The following ZNF430 variants were observed in gnomAD, a reference collection of about 807,000 sequenced individuals.
ZNF430 encodes zinc finger protein 430.
Under a neutral mutation model 56.7 loss-of-function variants are expected in ZNF430, and 35 were observed. The ratio of observed to expected loss-of-function variants is 0.62; its 90% CI spans 0.47 to 0.82. The LOEUF (loss-of-function observed/expected upper bound fraction) is 0.82, where lower values mean the gene tolerates loss of function less well. ZNF430 is among the 40% of genes least tolerant of loss of function. ZNF430 has a pLI of 0.00. For missense variants in ZNF430, 574 were observed against 661.0 expected, an observed-to-expected ratio of 0.87 and a Z score of 1.44; for synonymous variants, 212 against 224.3, an observed-to-expected ratio of 0.94 and a Z score of 0.49.
At chr19:21,023,242 T>C (rs1006410597) in intron 2 of ZNF430, among the ~76,000 whole-genome samples, 8 of 151,968 alleles carry the variant, frequency 5.3e-5, no homozygotes, top group Non-Finnish European at 1.0e-4. Context: ...TGAGCAGGAG[T>C]GGGTGGAAGA....
rs1568595709 is a variant in ZNF430 at position 21,059,865 on chromosome 19, T to A, written c.*1844T>A. Reference sequence around the variant, plus strand: ...GGACATTAAAATGTAAGATGCATGATGAAAAATTAAGTGAAGAGGCTCTTT... The same window carrying A: ...GGACATTAAAATGTAAGATGCATGAAGAAAAATTAAGTGAAGAGGCTCTTT... On this transcript the variant is annotated 3_prime_UTR_variant, in exon 5 of 5. Transcript: ENST00000261560. 1 of 152,146 alleles carries A rather than the reference T, an allele frequency of 6.6e-6. No homozygotes were observed. Among genetic ancestry groups the A allele is most frequent in the Non-Finnish European group, 1.5e-5 (1 of 68,030 alleles). 9.4% of individuals were successfully genotyped at this position (152,146 alleles called of 1,614,324 possible).
intron 2 of ZNF430, among the ~76,000 whole-genome samples, chr19:21,023,287 A>C (rs1967731354): frequency 6.6e-6 from 1 of 152,160 alleles, no homozygotes; most frequent in African/African-American, 2.4e-5. Flanking sequence ...GACTTGAAAC[A>C]TGAGTCAGAC....
At chr19:21,022,555 C>G (rs1433077077) in intron 1 of ZNF430, among the ~76,000 whole-genome samples, 1 of 152,144 alleles carries the variant, frequency 6.6e-6, no homozygotes, top group Non-Finnish European at 1.5e-5. Context: ...TGTAAAAACT[C>G]TCTGTGCTTC....
chr19:21,057,224 A>G lies in ZNF430; in HGVS notation c.916A>G (p.Thr306Ala), dbSNP rs532946287. Reference sequence around the variant, plus strand: ...CTTTAACCGGTCCTCACACCTTACTACACATAAAAGAATTCATACTGGAGA... The same window carrying G: ...CTTTAACCGGTCCTCACACCTTACTGCACATAAAAGAATTCATACTGGAGA... Reference protein sequence around the residue: ...KTFNRSSHLTTHKRIHTGEKP... With the variant: ...KTFNRSSHLTAHKRIHTGEKP... Residue 306 changes from threonine to alanine, a missense_variant, in exon 5 of 5, where the codon ACA becomes GCA. Around this residue, in one of 3 missense-constraint regions of ZNF430, gnomAD observed 346 missense variants for 399.1 expected, o/e 0.87. Coordinates refer to ENST00000261560, the MANE Select transcript of ZNF430 (RefSeq NM_025189.4). 5.6e-6 allele frequency: 9 copies of G among 1,613,588 alleles called. No homozygotes were observed. Among genetic ancestry groups the G allele is most frequent in the Middle Eastern group, 1.7e-4 (1 of 6,060 alleles).
At chr19:21,021,450 G>C (rs577193661) in intron 1 of ZNF430, among the ~76,000 whole-genome samples, 2 of 152,010 alleles carry the variant, frequency 1.3e-5, no homozygotes, top group South Asian at 2.1e-4. Flanking sequence ...AGTGAGCCGA[G>C]ATAGCGCCAC....
chr19:21,053,156 A>G (rs756235317), intron 4 of ZNF430, among the ~76,000 whole-genome samples: 5 of 151,992 alleles, frequency 3.3e-5, no homozygotes, highest in East Asian at 1.9e-4. Context: ...ACAATTATCT[A>G]TGTTGCAAAC....
Position 21,056,903 on chromosome 19 carries a change from CAT to C in ZNF430, c.597_598del (p.Thr200TrpfsTer8). The C allele has an allele frequency of 6.2e-7, 1 of 1,612,120 alleles. No homozygotes were observed. The highest frequency in any genetic ancestry group is 8.5e-7 in the Non-Finnish European group (1 of 1,179,218). ...AAATCCAAATATACAAAAGATAAGA[CAT>C]ACTGGAAAGAAGCCTTTCAAATGTA... ...FSNPNIQKIR[H>X]TGKKPFKCKK... is the part of the protein sequence containing the mutation. On this transcript the variant is annotated frameshift_variant, in exon 5 of 5. Transcript: ENST00000261560. LOFTEE classifies it high-confidence loss of function.
intron 2 of ZNF430, among the ~76,000 whole-genome samples, chr19:21,023,517 C>T (rs1967738650): frequency 6.6e-6 from 1 of 152,100 alleles, no homozygotes; most frequent in South Asian, 2.1e-4. Context: ...CCTTTTTACC[C>T]CCAGGGTGAG....
intron 2 of ZNF430, among the ~76,000 whole-genome samples, chr19:21,032,938 TG>T (rs1256344022): frequency 1.3e-5 from 2 of 152,222 alleles, no homozygotes; most frequent in African/African-American, 4.8e-5. Context: ...TACAAATTTT[TG>T]TTTATGCCCT....
At chr19:21,036,631 T>C (rs1025309917) in intron 4 of ZNF430, 1 of 152,044 alleles carries the variant, frequency 6.6e-6, no homozygotes, top group Non-Finnish European at 1.5e-5. Flanking sequence ...GGAGAGTCCC[T>C]CTCTACAAAA....
intron 1 of ZNF430, among the ~76,000 whole-genome samples, chr19:21,021,823 A>ATTTTTTTTTTTTTTTTTTTTTTTTTTT (rs71174785): frequency 1.2e-5 from 1 of 85,726 alleles, no homozygotes; most frequent in African/African-American, 5.3e-5. Flanking sequence ...CCTGAGTTAG[A>ATTTTTTTTTTTTTTTTTTTTTTTTTTT]TTTTTTTTTT....
intron 4 of ZNF430, among the ~76,000 whole-genome samples, chr19:21,042,555 G>A (rs554577486): frequency 6.6e-5 from 10 of 152,106 alleles, no homozygotes; most frequent in Admixed American, 2.0e-4. Flanking sequence ...TGGGGGTGCC[G>A]AGGCAGGAGG....
chr19:21,021,976 T>C (rs922338023), intron 1 of ZNF430, among the ~76,000 whole-genome samples: 1 of 151,966 alleles, frequency 6.6e-6, no homozygotes, highest in Non-Finnish European at 1.5e-5. Context: ...TAGCTGGAAT[T>C]ACAAGCGCCT....
chr19:21,042,951 C>A (rs536887718), intron 4 of ZNF430, among the ~76,000 whole-genome samples: 1 of 152,172 alleles, frequency 6.6e-6, no homozygotes, highest in East Asian at 1.9e-4. Context: ...ATGTTCTTTG[C>A]CCACTTTTTA....
intron 1 of ZNF430, among the ~76,000 whole-genome samples, chr19:21,021,925 C>G (rs934998733): frequency 6.8e-6 from 1 of 146,388 alleles, no homozygotes; most frequent in African/African-American, 2.6e-5. Context: ...CAACTTCTGC[C>G]GCTGCCTGTG....
chr19:21,024,561 T>G (rs1967756673), intron 2 of ZNF430, among the ~76,000 whole-genome samples: 1 of 151,806 alleles, frequency 6.6e-6, no homozygotes, highest in Non-Finnish European at 1.5e-5. Flanking sequence ...AGGCGGATCA[T>G]GAGGTCAGGA....
At chr19:21,045,230 T>C (rs1968168194) in intron 4 of ZNF430, among the ~76,000 whole-genome samples, 1 of 152,224 alleles carries the variant, frequency 6.6e-6, no homozygotes, top group Non-Finnish European at 1.5e-5. Context: ...AATTTTCCCC[T>C]TAACACTGCT....
intron 3 of ZNF430, 198 bp downstream of exon 3, chr19:21,033,780 T>C (rs1222811105): frequency 1.7e-5 from 11 of 635,504 alleles, no homozygotes; most frequent in Non-Finnish European, 2.5e-5. Flanking sequence ...TCCACATTCC[T>C]GGGCTGATCT....
At chr19:21,037,097 T>C (rs1413693437) in intron 4 of ZNF430, among the ~76,000 whole-genome samples, 3 of 151,516 alleles carry the variant, frequency 2.0e-5, no homozygotes, top group Non-Finnish European at 4.4e-5. Flanking sequence ...TATCTTAAAA[T>C]GTGACAAGAT....
Sources: gnomAD v4.1 joint callset for allele counts (sites outside exome capture counted in the v4.1 genomes callset) on GRCh38, gnomAD v4.1.1 for gene constraint, gnomAD v4.1.1 regional missense constraint, MANE v1.5 for transcripts, NCBI Gene and HGNC (gene_info 2026-07-23, HGNC 2026-07-21) for gene names.